The following XRCC4 variants were observed in gnomAD, a reference collection of about 807,000 sequenced individuals.
XRCC4 encodes DNA repair protein XRCC4.
XRCC4 carries 28 observed loss-of-function variants against 39.1 expected under a neutral mutation model. That is an observed-to-expected ratio of 0.72 (90% confidence interval 0.53 to 0.98). The LOEUF is 0.98. XRCC4 is among the 50% of genes least tolerant of loss of function. The pLI, the probability that XRCC4 is intolerant of heterozygous loss-of-function variation, is 0.00. For synonymous variants in XRCC4, 123 were observed against 126.4 expected, an observed-to-expected ratio of 0.97 and a Z score of 0.18; for missense variants, 350 against 376.4, an observed-to-expected ratio of 0.93 and a Z score of 0.58.
At chr5:83,207,072 A>G (rs1751449926) in intron 6 of XRCC4, among the ~76,000 whole-genome samples, 1 of 152,136 alleles carries the variant, frequency 6.6e-6, no homozygotes, top group Non-Finnish European at 1.5e-5. Flanking sequence ...CTAGTGTCCC[A>G]TTTAAAATGA....
intron 3 of XRCC4, among the ~76,000 whole-genome samples, chr5:83,157,759 A>C (rs1435609565): frequency 6.6e-6 from 1 of 152,088 alleles, no homozygotes; most frequent in Non-Finnish European, 1.5e-5. Context: ...AGAGATGAAC[A>C]ATGTAAGAGG....
At chr5:83,316,564 T>TA (rs1300676273) in intron 7 of XRCC4, among the ~76,000 whole-genome samples, 1 of 150,846 alleles carries the variant, frequency 6.6e-6, no homozygotes, top group African/African-American at 2.4e-5. Flanking sequence ...TAGTCTCTGA[T>TA]AAAACAGATT....
chr5:83,120,082 CTA>C (rs1280561087), intron 3 of XRCC4, among the ~76,000 whole-genome samples: 1 of 150,196 alleles, frequency 6.7e-6, no homozygotes, highest in African/African-American at 2.5e-5. Flanking sequence ...ATTGTAAAAA[CTA>C]TGTTGTAAAA....
intron 1 of XRCC4, among the ~76,000 whole-genome samples, chr5:83,088,255 T>C (rs1007328397): frequency 6.6e-6 from 1 of 152,292 alleles, no homozygotes; most frequent in South Asian, 2.1e-4. Context: ...TATTTACTTA[T>C]TTTTTAAATA....
chr5:83,325,635 T>C (rs1342671859), intron 7 of XRCC4, among the ~76,000 whole-genome samples: 1 of 152,168 alleles, frequency 6.6e-6, no homozygotes, highest in Non-Finnish European at 1.5e-5. Flanking sequence ...GCAAAGGACA[T>C]GATCTCATTC....
chr5:83,358,924 A>G, the XRCC4 span, among the ~76,000 whole-genome samples: 2 of 152,228 alleles, frequency 1.3e-5, no homozygotes, highest in African/African-American at 4.8e-5. Flanking sequence ...ATGCCTTATC[A>G]AGATGGCCAC....
At chr5:83,138,231 T>C (rs1659678587) in intron 3 of XRCC4, among the ~76,000 whole-genome samples, 1 of 152,200 alleles carries the variant, frequency 6.6e-6, no homozygotes. Context: ...ACACATTATA[T>C]GTACCTATTT....
intron 3 of XRCC4, among the ~76,000 whole-genome samples, chr5:83,172,796 A>T (rs191661678): frequency 6.6e-6 from 1 of 152,168 alleles, no homozygotes; most frequent in African/African-American, 2.4e-5. Flanking sequence ...GACAACAACA[A>T]TGGAAAAATT....
At chr5:83,144,267 CTGTGTGTGTGTGTGTG>C (rs56769195) in intron 3 of XRCC4, among the ~76,000 whole-genome samples, 6 of 140,132 alleles carry the variant, frequency 4.3e-5, no homozygotes, top group East Asian at 2.1e-4. Flanking sequence ...TAATATTCCT[CTGTGTGTGTGTGTGTG>C]TGTGTGTGTG....
chr5:83,306,132 A>ATT (rs34822583), intron 7 of XRCC4, among the ~76,000 whole-genome samples: 115,847 of 151,850 alleles, frequency 0.76, 45,543 homozygotes, highest in Non-Finnish European at 0.86. Context: ...AAGGTTGCAG[A>ATT]TTTCTAGTGA....
intron 7 of XRCC4, among the ~76,000 whole-genome samples, chr5:83,306,860 A>C (rs1347788999): frequency 6.6e-6 from 1 of 152,184 alleles, no homozygotes; most frequent in African/African-American, 2.4e-5. Context: ...TGAGGCACAG[A>C]ATAGAACAGA....
chr5:83,241,213 A>G (rs1295831143), intron 6 of XRCC4, among the ~76,000 whole-genome samples: 1 of 151,376 alleles, frequency 6.6e-6, no homozygotes, highest in Non-Finnish European at 1.5e-5. Flanking sequence ...AATGCACTCC[A>G]GCCAGGGCAA....
chr5:83,346,249 A>G (rs975800575), intron 7 of XRCC4, among the ~76,000 whole-genome samples: 4 of 152,176 alleles, frequency 2.6e-5, no homozygotes, highest in African/African-American at 7.2e-5. Context: ...CTATTCAAAC[A>G]TAACAAATTC....
intron 3 of XRCC4, among the ~76,000 whole-genome samples, chr5:83,169,991 T>C (rs1749649678): frequency 6.6e-6 from 1 of 152,200 alleles, no homozygotes; most frequent in Non-Finnish European, 1.5e-5. Flanking sequence ...TGTTAATCTT[T>C]TGCCATATGT....
At chr5:83,126,548 T>A (rs890743654) in intron 3 of XRCC4, among the ~76,000 whole-genome samples, 3 of 152,178 alleles carry the variant, frequency 2.0e-5, no homozygotes, top group African/African-American at 7.2e-5. Flanking sequence ...GCTATGGGGA[T>A]GGGGCTGCCA....
chr5:83,089,716 C>T (rs1368287685), intron 1 of XRCC4, among the ~76,000 whole-genome samples: 1 of 149,664 alleles, frequency 6.7e-6, no homozygotes, highest in Non-Finnish European at 1.5e-5. Flanking sequence ...TGTTACATGT[C>T]TTAGAAAAAA....
intron 7 of XRCC4, among the ~76,000 whole-genome samples, chr5:83,279,175 GCA>G (rs1388784041): frequency 4.7e-5 from 7 of 150,226 alleles, no homozygotes; most frequent in African/African-American, 1.7e-4. Flanking sequence ...AAATAGGGAT[GCA>G]TAGTGCTGGA....
intron 1 of XRCC4, among the ~76,000 whole-genome samples, chr5:83,083,360 G>T (rs1232565060): frequency 6.7e-6 from 1 of 149,234 alleles, no homozygotes; most frequent in African/African-American, 2.5e-5. Flanking sequence ...ACTTGATTGG[G>T]TGTTTGAATC....
chr5:83,229,013 C>G (rs1287941455), intron 6 of XRCC4, among the ~76,000 whole-genome samples: 2 of 152,012 alleles, frequency 1.3e-5, no homozygotes, highest in Non-Finnish European at 1.5e-5. Context: ...TGCAGAGAAA[C>G]AGGACCCAGT....
Sources: gnomAD v4.1 joint callset for allele counts (sites outside exome capture counted in the v4.1 genomes callset) on GRCh38, gnomAD v4.1.1 for gene constraint, MANE v1.5 for transcripts, NCBI Gene and HGNC (gene_info 2026-07-23, HGNC 2026-07-21) for gene names.